Variants in MTMR8 observed in about 807,000 individuals in gnomAD.
The protein encoded by MTMR8 is phosphatidylinositol-3,5-bisphosphate 3-phosphatase MTMR8.
In MTMR8, 65 loss-of-function variants were observed where a neutral mutation model predicts 39.3. That is an observed-to-expected ratio of 1.65 (90% CI 1.35 to 2.03). The LOEUF (loss-of-function observed/expected upper bound fraction) is 2.03, where lower values mean the gene tolerates loss of function less well. Ranked by LOEUF, MTMR8 falls within the 30% of genes most tolerant of loss-of-function variation. MTMR8 has a pLI of 0.00. For synonymous variants in MTMR8, 245 were observed against 185.2 expected, an observed-to-expected ratio of 1.32 and a Z score of -2.62; for missense variants, 777 against 538.9, an observed-to-expected ratio of 1.44 and a Z score of -4.37.
At chrX:64,306,091 G>A (rs1469757567) in intron 12 of MTMR8, 1 of 214,342 alleles carries the variant, frequency 4.7e-6, no homozygotes, top group Non-Finnish European at 9.2e-6. Context: ...ATTCCAGCCT[G>A]GGTGAGCCCC....
chrX:64,350,254 A>G (rs1923454506), intron 4 of MTMR8, among the ~76,000 whole-genome samples, 184 bp from the exon 5 acceptor site: 1 of 110,166 alleles, frequency 9.1e-6, no homozygotes, highest in Middle Eastern at 4.3e-3. Flanking sequence ...TAGTGTTTTA[A>G]AGGCCGTCCA....
chrX:64,304,166 A>G (rs773820164), intron 12 of MTMR8, among the ~76,000 whole-genome samples: 4 of 112,497 alleles, frequency 3.6e-5, no homozygotes, highest in African/African-American at 1.3e-4. Flanking sequence ...TAGGTAAATA[A>G]AAACTTACAG....
intron 11 of MTMR8, 81 bp downstream of exon 11, chrX:64,331,476 C>G (rs901160841): frequency 1.1e-6 from 1 of 932,981 alleles, no homozygotes; most frequent in Non-Finnish European, 1.5e-6. Flanking sequence ...GACTGCTATG[C>G]CAAATTCAGG....
chrX:64,333,643 C>T (rs780068960), intron 10 of MTMR8, among the ~76,000 whole-genome samples: 23 of 111,590 alleles, frequency 2.1e-4, no homozygotes, highest in African/African-American at 7.5e-4. Context: ...CAGACCCAAA[C>T]CCGACCCCTT....
At chrX:64,340,976 T>C (rs1282834481) in intron 8 of MTMR8, among the ~76,000 whole-genome samples, 4 of 112,094 alleles carry the variant, frequency 3.6e-5, no homozygotes, top group Non-Finnish European at 7.5e-5. Flanking sequence ...AAATCTGAAA[T>C]ATTCATACTC....
At chrX:64,312,527 G>T (rs1056084214) in intron 12 of MTMR8, among the ~76,000 whole-genome samples, 5 of 112,332 alleles carry the variant, frequency 4.5e-5, no homozygotes, top group Non-Finnish European at 9.4e-5. Context: ...AGGAAAAGAG[G>T]AAGTCAAATT....
At chrX:64,269,148 T>A (rs892539276) in intron 13 of MTMR8, 105 bp from the exon 14 acceptor site, 2 of 855,732 alleles carry the variant, frequency 2.3e-6, no homozygotes, top group Non-Finnish European at 3.3e-6. Context: ...CTTATAATGG[T>A]AGCAAATGAC....
intron 1 of MTMR8, among the ~76,000 whole-genome samples, chrX:64,371,925 A>C (rs1924139987): frequency 9.1e-6 from 1 of 109,710 alleles, no homozygotes; most frequent in Non-Finnish European, 1.9e-5. Flanking sequence ...TGCCATTAAA[A>C]ATTTTTCCAG....
At position 64,278,460 on chromosome X, in the gene MTMR8, G is replaced by GTTTTTT. The variant is rs56132040; in HGVS notation, c.1482-7393_1482-7388dup. ...GATGTTGATGCTATTTATTTTGCTG[G>GTTTTTT]TTTTTTTTTTTTTTTTTTTTTTTTT... On this transcript the variant is annotated intron_variant, in intron 12 of 13. Transcript: ENST00000374852. Among the ~76,000 whole-genome samples, 4 of 24,695 alleles carry GTTTTTT rather than the reference G, an allele frequency of 1.6e-4. 1 individual carries two copies. Among genetic ancestry groups the GTTTTTT allele is most frequent in the Non-Finnish European group, 2.4e-4 (3 of 12,271 alleles). The allele number at this position is 24,695 out of a possible 115,157, so 21.4% of individuals were successfully genotyped here. A position where few individuals can be genotyped will look rare whatever the true frequency, so the allele number is the denominator to read the frequency against.
chrX:64,313,567 C>T lies in MTMR8; in HGVS notation c.1481+15205G>A, dbSNP rs140286667. 3.8e-3 allele frequency among the ~76,000 whole-genome samples: 425 copies of T among 112,479 alleles called. 10 individuals carry two copies. In the East Asian group the frequency reaches 0.08, roughly 21 times the overall value. Reference sequence around the variant, plus strand: ...TGGTGCAAGAGCCCTAGCTTTTGTCCTTTCTCAGCTTTTGACGTGTCTTCC... The same window carrying T: ...TGGTGCAAGAGCCCTAGCTTTTGTCTTTTCTCAGCTTTTGACGTGTCTTCC... On this transcript the variant is annotated intron_variant, in intron 12 of 13. Coordinates refer to ENST00000374852, the MANE Select transcript of MTMR8 (RefSeq NM_017677.4).
chrX:64,339,139 G>T (rs1432054410), intron 8 of MTMR8, among the ~76,000 whole-genome samples: 1 of 111,302 alleles, frequency 9.0e-6, no homozygotes, highest in African/African-American at 3.3e-5. Context: ...AATAGAGATA[G>T]TAGTATACAC....
chrX:64,328,672 G>T, intron 12 of MTMR8, 100 bp downstream of exon 12: 1 of 830,262 alleles, frequency 1.2e-6, no homozygotes, highest in Non-Finnish European at 1.6e-6. Context: ...CTACTCCATA[G>T]CCAGGCTTGT....
chrX:64,327,914 G>A (rs193263231), intron 12 of MTMR8, among the ~76,000 whole-genome samples: 9 of 112,120 alleles, frequency 8.0e-5, no homozygotes, highest in East Asian at 2.8e-4. Flanking sequence ...TATGTTAAGC[G>A]AAATAAGCCA....
chrX:64,326,347 C>CAA (rs1304889878), intron 12 of MTMR8, among the ~76,000 whole-genome samples: 1 of 111,561 alleles, frequency 9.0e-6, no homozygotes, highest in Non-Finnish European at 1.9e-5. Flanking sequence ...AGCTAATAAA[C>CAA]AAATTCAGTA....
chrX:64,375,707 C>A (rs961781961), intron 1 of MTMR8, among the ~76,000 whole-genome samples: 4 of 111,702 alleles, frequency 3.6e-5, no homozygotes, highest in African/African-American at 9.8e-5. Context: ...TGTCTATGAA[C>A]CAGGAAGTAG....
At chrX:64,300,139 G>A (rs1225775684) in intron 12 of MTMR8, among the ~76,000 whole-genome samples, 3 of 105,118 alleles carry the variant, frequency 2.9e-5, no homozygotes, top group Admixed American at 2.1e-4. Flanking sequence ...TATCCTTGTG[G>A]ACTTTCTGTC....
At chrX:64,345,948 T>C (rs1037348991) in intron 6 of MTMR8, among the ~76,000 whole-genome samples, 3 of 112,138 alleles carry the variant, frequency 2.7e-5, no homozygotes, top group African/African-American at 6.5e-5. Flanking sequence ...GAAAAATGTC[T>C]AAAATGTGAC....
chrX:64,365,273 C>T (rs1923915291), intron 1 of MTMR8, among the ~76,000 whole-genome samples: 1 of 110,441 alleles, frequency 9.1e-6, no homozygotes, highest in Admixed American at 9.6e-5. Context: ...AACAAAGATA[C>T]TCCTCGAGAA....
intron 12 of MTMR8, among the ~76,000 whole-genome samples, chrX:64,312,982 A>T (rs1403543019): frequency 8.9e-6 from 1 of 112,430 alleles, no homozygotes; most frequent in Non-Finnish European, 1.9e-5. Flanking sequence ...TTCTATTTAT[A>T]GAGCACAGGC....
Sources: gnomAD v4.1 joint callset for allele counts (sites outside exome capture counted in the v4.1 genomes callset) on GRCh38, gnomAD v4.1.1 for gene constraint, MANE v1.5 for transcripts, NCBI Gene and HGNC (gene_info 2026-07-23, HGNC 2026-07-21) for gene names.